The following KLHL32 variants were observed in gnomAD, a reference collection of about 807,000 sequenced individuals.
KLHL32 encodes the protein kelch like family member 32.
Under a neutral mutation model 64.8 loss-of-function variants are expected in KLHL32, and 35 were observed. The observed-to-expected ratio is 0.54, with a 90% CI of 0.41 to 0.72. The LOEUF is 0.72. Among genes scored for constraint, KLHL32 ranks in the 30% least tolerant of loss-of-function variants. KLHL32 has a pLI of 0.00. For synonymous variants in KLHL32, 259 were observed against 281.0 expected (o/e 0.92, Z 0.78); for missense variants, 589 against 768.5 (o/e 0.77, Z 2.76).
chr6:96,899,274 CTT>C, the KLHL32 span, among the ~76,000 whole-genome samples: 3 of 152,138 alleles, frequency 2.0e-5, no homozygotes, highest in African/African-American at 7.2e-5. Flanking sequence ...AGATTTCTAT[CTT>C]TGATACTTTT....
chr6:96,981,205 A>G (rs973437108), intron 3 of KLHL32, among the ~76,000 whole-genome samples: 1 of 152,170 alleles, frequency 6.6e-6, no homozygotes, highest in Non-Finnish European at 1.5e-5. Context: ...AAACCATATC[A>G]GTAGGCTTCT....
At chr6:97,061,766 G>A (rs1472874077) in intron 4 of KLHL32, among the ~76,000 whole-genome samples, 4 of 152,086 alleles carry the variant, frequency 2.6e-5, no homozygotes, top group Non-Finnish European at 4.4e-5. Flanking sequence ...CCAGTCCTTC[G>A]AGGCAGGTGA....
intron 1 of KLHL32, among the ~76,000 whole-genome samples, chr6:96,929,404 A>G (rs1228803699): frequency 6.6e-6 from 1 of 152,202 alleles, no homozygotes; most frequent in African/African-American, 2.4e-5. Flanking sequence ...AGATGTGGCT[A>G]TGTCTCTGTG....
intron 3 of KLHL32, among the ~76,000 whole-genome samples, chr6:97,023,574 A>G (rs574125944): frequency 6.6e-6 from 1 of 152,232 alleles, no homozygotes; most frequent in Non-Finnish European, 1.5e-5. Flanking sequence ...TTTAAAATCC[A>G]GGGCAACAAG....
intron 6 of KLHL32, among the ~76,000 whole-genome samples, chr6:97,094,701 G>T (rs866204136): frequency 6.6e-6 from 1 of 152,190 alleles, no homozygotes; most frequent in African/African-American, 2.4e-5. Flanking sequence ...TGATTCTAAA[G>T]TTATGTATCA....
chr6:96,975,884 A>G, intron 2 of KLHL32, 113 bp from the exon 3 acceptor site: 1 of 678,854 alleles, frequency 1.5e-6, no homozygotes, highest in Non-Finnish European at 2.3e-6. Flanking sequence ...GGTCACACTC[A>G]TAGAGTGCAC....
intron 4 of KLHL32, 43 bp downstream of exon 4, chr6:97,041,642 A>G (rs1423759564): frequency 8.9e-7 from 1 of 1,127,352 alleles, no homozygotes; most frequent in South Asian, 1.3e-5. Flanking sequence ...CATTTCAACT[A>G]CATCTAACCA....
At chr6:96,961,463 T>C (rs1316396029) in intron 1 of KLHL32, among the ~76,000 whole-genome samples, 3 of 152,228 alleles carry the variant, frequency 2.0e-5, no homozygotes, top group African/African-American at 7.2e-5. Flanking sequence ...TCAAGACCTA[T>C]AGGACACTTA....
chr6:97,060,772 A>T (rs1441961774), intron 4 of KLHL32, among the ~76,000 whole-genome samples: 1 of 152,116 alleles, frequency 6.6e-6, no homozygotes, highest in African/African-American at 2.4e-5. Flanking sequence ...GAATTCTGAC[A>T]TAATTTCTCC....
intron 1 of KLHL32, among the ~76,000 whole-genome samples, chr6:96,934,886 C>A (rs1369720472): frequency 6.6e-6 from 1 of 152,112 alleles, no homozygotes; most frequent in Non-Finnish European, 1.5e-5. Context: ...TGAACTGCTG[C>A]AGGATAGTAT....
At chr6:96,949,581 C>T (rs915501072) in intron 1 of KLHL32, among the ~76,000 whole-genome samples, 3 of 152,092 alleles carry the variant, frequency 2.0e-5, no homozygotes, top group African/African-American at 4.8e-5. Context: ...TTGACTGACT[C>T]ACAGTGGTGA....
chr6:96,965,189 C>T (rs1432597927), intron 1 of KLHL32, among the ~76,000 whole-genome samples: 1 of 152,160 alleles, frequency 6.6e-6, no homozygotes, highest in Non-Finnish European at 1.5e-5. Flanking sequence ...TTCTTTTTTA[C>T]AGCTATTAAT....
chr6:97,067,097 G>C (rs1405661658), intron 5 of KLHL32, among the ~76,000 whole-genome samples: 1 of 152,120 alleles, frequency 6.6e-6, no homozygotes, highest in Admixed American at 6.6e-5. Flanking sequence ...AGGGCAGACC[G>C]GCTCAAATAT....
intron 7 of KLHL32, among the ~76,000 whole-genome samples, chr6:97,115,058 C>T (rs1797675547): frequency 6.6e-6 from 1 of 152,216 alleles, no homozygotes; most frequent in African/African-American, 2.4e-5. Context: ...TCTTGTTACC[C>T]AGGCTGGAGT....
chr6:97,135,304 T>C (rs1443022105), intron 10 of KLHL32, among the ~76,000 whole-genome samples: 3 of 98,140 alleles, frequency 3.1e-5, no homozygotes, highest in Non-Finnish European at 6.5e-5. Context: ...TGTTAATTTT[T>C]TTTTTTTTTT....
chr6:97,079,703 A>G (rs1792184164), intron 5 of KLHL32, among the ~76,000 whole-genome samples: 1 of 152,178 alleles, frequency 6.6e-6, no homozygotes, highest in Non-Finnish European at 1.5e-5. Flanking sequence ...ACACTATGAG[A>G]AACAAATAGA....
At position 96,924,780 on chromosome 6, in the gene KLHL32, C is replaced by A; in HGVS notation, c.-312C>A. ...GACAGTTCGGGAGCGCGCAGGCAGT[C>A]GCGCGCACACACGCACGCAGGCACA... On this transcript the variant is annotated 5_prime_UTR_variant, in exon 1 of 11. Transcript: ENST00000369261. The A allele has an allele frequency of 6.8e-6, 1 of 147,576 alleles. No homozygotes were observed. Among genetic ancestry groups the A allele is most frequent in the South Asian group, 2.1e-4 (1 of 4,686 alleles). The allele number at this position is 147,576 out of a possible 1,614,324, so 9.1% of individuals were successfully genotyped here. A position where few individuals can be genotyped will look rare whatever the true frequency, so the allele number is the denominator to read the frequency against.
At chr6:97,137,841 TAA>T (rs1800211871) in intron 10 of KLHL32, among the ~76,000 whole-genome samples, 2 of 152,132 alleles carry the variant, frequency 1.3e-5, no homozygotes, top group South Asian at 4.1e-4. Flanking sequence ...CTATTGCAGT[TAA>T]AGTCTTAAGA....
At chr6:96,946,168 T>C (rs1771893328) in intron 1 of KLHL32, among the ~76,000 whole-genome samples, 1 of 148,582 alleles carries the variant, frequency 6.7e-6, no homozygotes, top group African/African-American at 2.4e-5. Context: ...TATGAGTTTA[T>C]TTAGGAAAAA....
Sources: gnomAD v4.1 joint callset for allele counts (sites outside exome capture counted in the v4.1 genomes callset) on GRCh38, gnomAD v4.1.1 for gene constraint, MANE v1.5 for transcripts, NCBI Gene and HGNC (gene_info 2026-07-23, HGNC 2026-07-21) for gene names.